Variants in DPP10 observed in about 807,000 individuals in gnomAD.
The protein encoded by DPP10 is inactive dipeptidyl peptidase 10.
In DPP10, 33 loss-of-function variants were observed where a neutral mutation model predicts 120.9. The observed-to-expected ratio is 0.27, with a 90% CI of 0.21 to 0.37. DPP10 has a LOEUF of 0.37. Ranked by LOEUF, DPP10 falls within the 10% of genes least tolerant of loss-of-function variation. The pLI, the probability that DPP10 is intolerant of heterozygous loss-of-function variation, is 1.00. For synonymous variants in DPP10, 337 were observed against 326.1 expected, an observed-to-expected ratio of 1.03 and a Z score of -0.36; for missense variants, 816 against 942.8, an observed-to-expected ratio of 0.87 and a Z score of 1.76.
chr2:115,541,276 A>C (rs1322129766), intron 5 of DPP10, among the ~76,000 whole-genome samples: 1 of 151,920 alleles, frequency 6.6e-6, no homozygotes, highest in Non-Finnish European at 1.5e-5. Context: ...TTGGAGAGTT[A>C]GGTTAATTTA....
chr2:115,121,338 G>A (rs1317963313), intron 1 of DPP10, among the ~76,000 whole-genome samples: 1 of 152,194 alleles, frequency 6.6e-6, no homozygotes, highest in African/African-American at 2.4e-5. Flanking sequence ...GGATTTGGAG[G>A]AGAGTTGCTT....
At chr2:115,636,006 A>G (rs183456673) in intron 5 of DPP10, among the ~76,000 whole-genome samples, 42 of 152,310 alleles carry the variant, frequency 2.8e-4, no homozygotes, top group African/African-American at 9.6e-4. Context: ...TACAGTGACA[A>G]TCTTAACCAA....
intron 7 of DPP10, among the ~76,000 whole-genome samples, chr2:115,713,841 T>G (rs985922344): frequency 6.6e-6 from 1 of 152,192 alleles, no homozygotes; most frequent in Non-Finnish European, 1.5e-5. Flanking sequence ...AGTTAGTTCA[T>G]GTCAAACCAT....
chr2:115,757,428 T>C (rs1679562007), intron 11 of DPP10, among the ~76,000 whole-genome samples: 1 of 151,976 alleles, frequency 6.6e-6, no homozygotes, highest in Non-Finnish European at 1.5e-5. Flanking sequence ...AGAAGTCACA[T>C]CTTATGTGGG....
intron 3 of DPP10, among the ~76,000 whole-genome samples, chr2:115,474,155 T>C (rs2074919059): frequency 6.9e-6 from 1 of 144,248 alleles, no homozygotes; most frequent in African/African-American, 2.6e-5. Flanking sequence ...CACACACTAT[T>C]ATTCACTGAA....
intron 1 of DPP10, among the ~76,000 whole-genome samples, chr2:115,179,841 C>T (rs2053956278): frequency 6.6e-6 from 1 of 151,978 alleles, no homozygotes; most frequent in African/African-American, 2.4e-5. Context: ...TTTATTGATC[C>T]GTAAGGATGA....
intron 3 of DPP10, among the ~76,000 whole-genome samples, chr2:115,375,491 T>G (rs1179054811): frequency 6.6e-6 from 1 of 152,220 alleles, no homozygotes; most frequent in African/African-American, 2.4e-5. Flanking sequence ...TCCTTTCTTC[T>G]TCTGACCCCT....
At chr2:114,824,161 A>T (rs1248912469) in intron 1 of DPP10, among the ~76,000 whole-genome samples, 1 of 152,230 alleles carries the variant, frequency 6.6e-6, no homozygotes, top group African/African-American at 2.4e-5. Flanking sequence ...AATGGTACCA[A>T]GGATAATAGG....
At position 115,086,452 on chromosome 2, in the gene DPP10, C is replaced by CTT. The variant is rs70941026; in HGVS notation, c.61-222768_61-222767dup. The stretch of plus-strand genomic sequence containing the variant: ...CTTTCTGAACCAAATCAATGTATTT[C>CTT]TTTTTTTTTTTTTTTTTTTTGTGAC... On this transcript the variant is annotated intron_variant, in intron 1 of 25. Transcript: ENST00000410059. Among the ~76,000 whole-genome samples the CTT allele has an allele frequency of 4.7e-5, 5 of 106,470 alleles. No homozygotes were observed. The East Asian group carries it at 7.6e-4, about 16-fold the overall frequency. 69.8% of individuals were successfully genotyped at this position (106,470 alleles called of 152,430 possible).
rs1559597772 is a variant in DPP10 at position 115,432,662 on chromosome 2, TGTGTG to T, written c.272-66847_272-66843del. On this transcript the variant is annotated intron_variant, in intron 3 of 25. Transcript: ENST00000410059. ...TGTTTAAAAGCCATAGGCAATTTTG[TGTGTG>T]TGTGTGTGTGTGTGTGTGTGTGTGT... Among the ~76,000 whole-genome samples, 175 of 80,282 alleles carry T rather than the reference TGTGTG, an allele frequency of 2.2e-3. 1 individual carries two copies. The highest frequency in any genetic ancestry group is 8.8e-3 in the African/African-American group (159 of 18,066). 52.7% of individuals were successfully genotyped at this position (80,282 alleles called of 152,430 possible). A position where few individuals can be genotyped will look rare whatever the true frequency, so the allele number is the denominator to read the frequency against.
At chr2:114,871,490 A>T (rs1416878767) in intron 1 of DPP10, among the ~76,000 whole-genome samples, 1 of 152,212 alleles carries the variant, frequency 6.6e-6, no homozygotes. Context: ...CAACCTAATA[A>T]GAGTCTTAGA....
Position 115,842,449 on chromosome 2 carries a change from G to A in DPP10, c.*104G>A, listed in dbSNP as rs1210301265. The A allele has an allele frequency of 3.0e-5, 42 of 1,386,972 alleles. 1 individual carries two copies. The highest frequency in any genetic ancestry group is 2.2e-4 in the Middle Eastern group (1 of 4,622). 85.9% of individuals were successfully genotyped at this position (1,386,972 alleles called of 1,614,324 possible). A position where few individuals can be genotyped will look rare whatever the true frequency, so the allele number is the denominator to read the frequency against. Reference sequence around the variant, plus strand: ...CTCCAGAATGTCAAGGGCAGCTTACGGAGATGTCACTGGAGCAGCACGCTC... The same window carrying A: ...CTCCAGAATGTCAAGGGCAGCTTACAGAGATGTCACTGGAGCAGCACGCTC... On this transcript the variant is annotated 3_prime_UTR_variant, in exon 26 of 26. Coordinates refer to ENST00000410059, the MANE Select transcript of DPP10 (RefSeq NM_020868.6).
chr2:115,661,098 C>T (rs1362586601), intron 5 of DPP10, among the ~76,000 whole-genome samples: 1 of 151,828 alleles, frequency 6.6e-6, no homozygotes, highest in Non-Finnish European at 1.5e-5. Context: ...TACAGGTGCC[C>T]ACCACCCCAC....
chr2:114,675,211 T>C (rs1468975543), intron 1 of DPP10, among the ~76,000 whole-genome samples: 1 of 152,182 alleles, frequency 6.6e-6, no homozygotes, highest in Non-Finnish European at 1.5e-5. Flanking sequence ...GCTTTGTATG[T>C]GGTTCTTCAG....
chr2:114,974,417 CTTT>C (rs36001857), intron 1 of DPP10, among the ~76,000 whole-genome samples: 7 of 131,576 alleles, frequency 5.3e-5, no homozygotes, highest in Non-Finnish European at 3.2e-5. Context: ...CCTTTTTATC[CTTT>C]TTTTTTTTTT....
chr2:114,816,160 G>A (rs1300284393), intron 1 of DPP10, among the ~76,000 whole-genome samples: 1 of 152,144 alleles, frequency 6.6e-6, no homozygotes, highest in East Asian at 1.9e-4. Flanking sequence ...AGTCACGTTG[G>A]CCTCTAAACA....
chr2:114,502,928 C>A, intron 1 of DPP10, among the ~76,000 whole-genome samples: 1 of 152,044 alleles, frequency 6.6e-6, no homozygotes, highest in East Asian at 1.9e-4. Context: ...TAGGACATGC[C>A]AAGGCCCTTG....
chr2:114,642,965 C>T (rs147766670), intron 1 of DPP10, among the ~76,000 whole-genome samples: 1 of 151,984 alleles, frequency 6.6e-6, no homozygotes, highest in East Asian at 1.9e-4. Context: ...ACTGGGACAC[C>T]CACATGGGGG....
intron 1 of DPP10, among the ~76,000 whole-genome samples, chr2:114,936,471 AT>A (rs1486516089): frequency 6.6e-6 from 1 of 151,540 alleles, no homozygotes; most frequent in African/African-American, 2.4e-5. Context: ...AAACATATAT[AT>A]TTTTTTATCC....
Sources: gnomAD v4.1 joint callset for allele counts (sites outside exome capture counted in the v4.1 genomes callset) on GRCh38, gnomAD v4.1.1 for gene constraint, MANE v1.5 for transcripts, NCBI Gene and HGNC (gene_info 2026-07-23, HGNC 2026-07-21) for gene names.